Variants in ELMO1 observed in about 807,000 individuals in gnomAD.
ELMO1 encodes the protein engulfment and cell motility protein 1.
A neutral mutation model predicts 98.9 loss-of-function variants in ELMO1; 26 were observed. The ratio of observed to expected loss-of-function variants is 0.26; its 90% CI spans 0.19 to 0.36. ELMO1 has a LOEUF of 0.36. Among genes scored for constraint, ELMO1 ranks in the 10% least tolerant of loss-of-function variants. ELMO1 has a pLI of 1.00. For missense variants in ELMO1, 627 were observed against 935.2 expected, an observed-to-expected ratio of 0.67 and a Z score of 4.30; for synonymous variants, 346 against 346.0, an observed-to-expected ratio of 1.00 and a Z score of 0.00.
chr7:37,390,413 T>C (rs1803017053), intron 1 of ELMO1, among the ~76,000 whole-genome samples: 1 of 151,110 alleles, frequency 6.6e-6, no homozygotes. Flanking sequence ...AAGACACAGG[T>C]CAGTAGGGTG....
chr7:37,268,383 C>T (rs2130838740), intron 5 of ELMO1, among the ~76,000 whole-genome samples: 2 of 152,294 alleles, frequency 1.3e-5, no homozygotes, highest in Middle Eastern at 6.8e-3. Context: ...CTCACTGTAA[C>T]CTCCGCCTCC....
chr7:37,282,079 C>T (rs1584914009), intron 4 of ELMO1, among the ~76,000 whole-genome samples: 1 of 140,708 alleles, frequency 7.1e-6, no homozygotes, highest in Admixed American at 7.4e-5. Flanking sequence ...CATATGTTTC[C>T]CTCTGAAATC....
intron 13 of ELMO1, among the ~76,000 whole-genome samples, chr7:37,197,531 GA>G (rs1402015261): frequency 2.6e-5 from 4 of 152,118 alleles, no homozygotes; most frequent in Admixed American, 1.3e-4. Flanking sequence ...GTCACCACTT[GA>G]AAAAATGGAA....
At chr7:37,056,341 G>T (rs192100598) in intron 15 of ELMO1, among the ~76,000 whole-genome samples, 3 of 152,170 alleles carry the variant, frequency 2.0e-5, no homozygotes, top group African/African-American at 7.2e-5. Context: ...AGTTCACAAC[G>T]AGATAAATAA....
intron 4 of ELMO1, among the ~76,000 whole-genome samples, chr7:37,272,110 C>CA (rs533816737): frequency 8.6e-5 from 13 of 151,868 alleles, no homozygotes; most frequent in Non-Finnish European, 1.3e-4. Context: ...GTATAGCAAA[C>CA]AAAAAAAGTA....
intron 1 of ELMO1, among the ~76,000 whole-genome samples, chr7:37,382,012 A>G (rs1186551206): frequency 2.0e-5 from 3 of 152,196 alleles, no homozygotes; most frequent in Non-Finnish European, 2.9e-5. Flanking sequence ...TACATTAGAA[A>G]AATACTTCCT....
Position 37,211,371 on chromosome 7 carries a change from A to G in ELMO1, c.1086+15T>C. The G allele has an allele frequency of 6.2e-7, 1 of 1,613,858 alleles. No individual in the cohort carries two copies. The highest frequency in any genetic ancestry group is 8.5e-7 in the Non-Finnish European group (1 of 1,179,864). ...AGGCTGGAGGGAGAGCGCATACTGGAGATAGCTTACTTACAATGAACCCAA... is the reference window on the plus strand; with the variant it reads ...AGGCTGGAGGGAGAGCGCATACTGGGGATAGCTTACTTACAATGAACCCAA... On this transcript the variant is annotated intron_variant, in intron 13 of 21. Transcript: ENST00000310758.
At chr7:37,407,275 C>T (rs1459889598) in intron 1 of ELMO1, among the ~76,000 whole-genome samples, 2 of 151,918 alleles carry the variant, frequency 1.3e-5, no homozygotes, top group African/African-American at 4.8e-5. Flanking sequence ...TTTGGGAGGC[C>T]GAGGTGGGCA....
At chr7:37,277,826 G>C (rs2893540) in intron 4 of ELMO1, among the ~76,000 whole-genome samples, 10,840 of 152,282 alleles carry the variant, frequency 0.071, 510 homozygotes, top group African/African-American at 0.11. Context: ...ACAGCACTTT[G>C]TATGCTTCCT....
chr7:37,326,173 C>A (rs558525960), intron 2 of ELMO1, among the ~76,000 whole-genome samples: 1 of 152,242 alleles, frequency 6.6e-6, no homozygotes, highest in African/African-American at 2.4e-5. Flanking sequence ...ATAACAGACC[C>A]AAGATTCAAG....
chr7:37,097,646 G>C (rs570887490), intron 14 of ELMO1, among the ~76,000 whole-genome samples: 1 of 151,534 alleles, frequency 6.6e-6, no homozygotes, highest in Non-Finnish European at 1.5e-5. Context: ...AAAAATGAAT[G>C]AATGAAAGAA....
At chr7:36,995,171 T>C (rs1792116343) in intron 16 of ELMO1, among the ~76,000 whole-genome samples, 1 of 152,158 alleles carries the variant, frequency 6.6e-6, no homozygotes, top group African/African-American at 2.4e-5. Context: ...AGAAACCATT[T>C]TTCTTTCAAA....
At chr7:37,044,096 G>A (rs1266801817) in intron 15 of ELMO1, among the ~76,000 whole-genome samples, 1 of 152,112 alleles carries the variant, frequency 6.6e-6, no homozygotes, top group African/African-American at 2.4e-5. Context: ...ACAACAAACA[G>A]GTTTGTTTTT....
At chr7:37,182,923 C>T (rs1790973804) in intron 13 of ELMO1, among the ~76,000 whole-genome samples, 1 of 152,186 alleles carries the variant, frequency 6.6e-6, no homozygotes, top group Non-Finnish European at 1.5e-5. Context: ...TCCTCTTTCC[C>T]TCTAGGCTGG....
intron 16 of ELMO1, among the ~76,000 whole-genome samples, chr7:36,963,396 TAAATAAAA>T (rs755419518): frequency 0.031 from 4,480 of 143,218 alleles, 191 homozygotes; most frequent in African/African-American, 0.1. Flanking sequence ...AATAAATAAA[TAAATAAAA>T]AAATAAATAA....
chr7:36,920,852 C>T (rs1016250879), intron 16 of ELMO1, among the ~76,000 whole-genome samples: 1 of 152,136 alleles, frequency 6.6e-6, no homozygotes, highest in African/African-American at 2.4e-5. Flanking sequence ...TTATAGGTCT[C>T]CATGAGCAGT....
intron 13 of ELMO1, among the ~76,000 whole-genome samples, chr7:37,152,195 G>A (rs1438196380): frequency 6.6e-6 from 1 of 152,214 alleles, no homozygotes; most frequent in Non-Finnish European, 1.5e-5. Context: ...TCCAGGTACA[G>A]TCTAACATGA....
At chr7:36,986,912 A>G (rs771125483) in intron 16 of ELMO1, among the ~76,000 whole-genome samples, 2 of 152,120 alleles carry the variant, frequency 1.3e-5, no homozygotes, top group Non-Finnish European at 2.9e-5. Flanking sequence ...ACCCCTAATT[A>G]AAATTACTGC....
At chr7:37,072,975 GC>G in intron 15 of ELMO1, among the ~76,000 whole-genome samples, 1 of 152,192 alleles carries the variant, frequency 6.6e-6, no homozygotes, top group Non-Finnish European at 1.5e-5. Flanking sequence ...CTGCTAAGGG[GC>G]CAGAAACATC....
Sources: gnomAD v4.1 joint callset for allele counts (sites outside exome capture counted in the v4.1 genomes callset) on GRCh38, gnomAD v4.1.1 for gene constraint, MANE v1.5 for transcripts, NCBI Gene and HGNC (gene_info 2026-07-23, HGNC 2026-07-21) for gene names.